NRG1: variants seen among roughly 807,000 people sequenced by gnomAD.
NRG1 encodes the protein neuregulin 1.
NRG1 carries 18 observed loss-of-function variants against 63.8 expected under a neutral mutation model. The observed-to-expected ratio is 0.28, with a 90% confidence interval of 0.19 to 0.42. The LOEUF is 0.42. NRG1 is among the 10% of genes least tolerant of loss of function. The probability of loss-of-function intolerance (pLI) is 1.00; values close to 1 mark genes in which losing one functional copy is unlikely to be tolerated. For synonymous variants in NRG1, 302 were observed against 301.3 expected (o/e 1.00, Z -0.02); for missense variants, 762 against 814.7 (o/e 0.94, Z 0.79).
chr8:32,636,208 G>A (rs925226889), intron 5 of NRG1, among the ~76,000 whole-genome samples: 10 of 151,956 alleles, frequency 6.6e-5, no homozygotes, highest in East Asian at 3.9e-4. Context: ...GGATGTGTTC[G>A]GGCGCAGGGG....
At chr8:32,209,712 CCCTTCCTT>C (rs200085311) in intron 1 of NRG1, among the ~76,000 whole-genome samples, 41,997 of 131,632 alleles carry the variant, frequency 0.32, 6,996 homozygotes, top group Admixed American at 0.4. Flanking sequence ...TTCTCTCTTT[CCCTTCCTT>C]CCTTCCTTCC....
intron 1 of NRG1, among the ~76,000 whole-genome samples, chr8:32,482,311 A>G (rs1825393103): frequency 6.6e-6 from 1 of 152,070 alleles, no homozygotes; most frequent in South Asian, 2.1e-4. Context: ...GAGTTATACA[A>G]TCAGCTCTTG....
intron 1 of NRG1, among the ~76,000 whole-genome samples, chr8:32,250,087 G>A (rs1045768884): frequency 6.6e-6 from 1 of 152,180 alleles, no homozygotes; most frequent in South Asian, 2.1e-4. Context: ...TTTTCCGGAA[G>A]CACAGGGCTC....
At position 32,760,667 on chromosome 8, in the gene NRG1, A is replaced by G. The variant is rs1041142316; in HGVS notation, c.1259+261A>G. The G allele has an allele frequency of 4.0e-5, 50 of 1,259,882 alleles. No individual in the cohort carries two copies. The Admixed American group carries it at 1.5e-3, about 38-fold the overall frequency. 78.0% of individuals were successfully genotyped at this position (1,259,882 alleles called of 1,614,324 possible). A position where few individuals can be genotyped will look rare whatever the true frequency, so the allele number is the denominator to read the frequency against. ...TGCTTTGATGCGGAAGGTGCAGCACATGGAGTTTCCAGCTCTGGCCATGGG... is the reference window on the plus strand; with the variant it reads ...TGCTTTGATGCGGAAGGTGCAGCACGTGGAGTTTCCAGCTCTGGCCATGGG... On this transcript the variant is annotated intron_variant, in intron 11 of 11. Coordinates refer to ENST00000356819, the Ensembl canonical transcript of NRG1.
intron 1 of NRG1, among the ~76,000 whole-genome samples, chr8:32,276,790 G>A (rs1852148600): frequency 6.6e-6 from 1 of 152,196 alleles, no homozygotes; most frequent in African/African-American, 2.4e-5. Context: ...GCTGCTCTGT[G>A]AAAATAGGGC....
At chr8:31,694,511 G>A (rs1006498541) in intron 1 of NRG1, among the ~76,000 whole-genome samples, 11 of 152,202 alleles carry the variant, frequency 7.2e-5, no homozygotes, top group Admixed American at 3.3e-4. Flanking sequence ...AGAGGGCAGA[G>A]TGAGAGGAGA....
At chr8:32,698,455 C>T in intron 5 of NRG1, among the ~76,000 whole-genome samples, 1 of 152,176 alleles carries the variant, frequency 6.6e-6, no homozygotes. Context: ...AATGTGCCCA[C>T]ATTTCAGCGA....
chr8:31,942,045 A>C (rs1801831349), intron 1 of NRG1, among the ~76,000 whole-genome samples: 1 of 152,142 alleles, frequency 6.6e-6, no homozygotes, highest in Non-Finnish European at 1.5e-5. Flanking sequence ...ACAATCCTAA[A>C]ATTCATATGG....
chr8:32,139,578 G>C (rs1370994748), intron 1 of NRG1: 1 of 152,240 alleles, frequency 6.6e-6, no homozygotes, highest in East Asian at 1.9e-4. Context: ...AAATGTAGAG[G>C]CCACTTATAG....
At chr8:32,578,098 G>A (rs974079226) in intron 1 of NRG1, among the ~76,000 whole-genome samples, 5 of 151,910 alleles carry the variant, frequency 3.3e-5, no homozygotes, top group Admixed American at 2.0e-4. Flanking sequence ...AGGTTCAAGC[G>A]ATTCTCTAGC....
At chr8:31,867,156 T>A (rs1044762065) in intron 1 of NRG1, among the ~76,000 whole-genome samples, 1 of 152,142 alleles carries the variant, frequency 6.6e-6, no homozygotes, top group Non-Finnish European at 1.5e-5. Flanking sequence ...GAAAGATGTT[T>A]CCTGCTTTGT....
chr8:32,073,813 G>A (rs572852338), intron 1 of NRG1, among the ~76,000 whole-genome samples: 1 of 152,252 alleles, frequency 6.6e-6, no homozygotes, highest in Non-Finnish European at 1.5e-5. Context: ...TTCATTTGGA[G>A]TTTATCCCTA....
chr8:32,623,464 A>G (rs1471811122), intron 5 of NRG1, among the ~76,000 whole-genome samples: 1 of 152,242 alleles, frequency 6.6e-6, no homozygotes, highest in Non-Finnish European at 1.5e-5. Flanking sequence ...TCAGATTTCT[A>G]TAAACATGGC....
intron 1 of NRG1, among the ~76,000 whole-genome samples, chr8:32,017,586 C>T (rs1312381971): frequency 6.6e-6 from 1 of 152,144 alleles, no homozygotes; most frequent in Non-Finnish European, 1.5e-5. Flanking sequence ...GCGCTTCTGA[C>T]CAATTGTCTA....
chr8:32,584,238 C>T (rs552044972), intron 1 of NRG1, among the ~76,000 whole-genome samples: 1 of 152,260 alleles, frequency 6.6e-6, no homozygotes, highest in African/African-American at 2.4e-5. Flanking sequence ...TTACTGTCAA[C>T]AATCTGTTTA....
At chr8:31,792,104 T>C (rs1434483094) in intron 1 of NRG1, among the ~76,000 whole-genome samples, 2 of 152,166 alleles carry the variant, frequency 1.3e-5, no homozygotes, top group African/African-American at 4.8e-5. Context: ...TACATGACCT[T>C]TTTCATTTAT....
chr8:32,327,021 A>G (rs1046678309), intron 1 of NRG1, among the ~76,000 whole-genome samples: 1 of 152,206 alleles, frequency 6.6e-6, no homozygotes, highest in Admixed American at 6.5e-5. Flanking sequence ...CTGCTAGTCA[A>G]TGGAATAAAA....
chr8:31,747,721 A>G (rs1437755814), intron 1 of NRG1, among the ~76,000 whole-genome samples: 3 of 151,758 alleles, frequency 2.0e-5, no homozygotes, highest in Non-Finnish European at 1.5e-5. Context: ...CAATCTGTCA[A>G]CTCGATTAAC....
chr8:32,078,273 A>T (rs1005914191), intron 1 of NRG1, among the ~76,000 whole-genome samples: 1 of 151,998 alleles, frequency 6.6e-6, no homozygotes, highest in African/African-American at 2.4e-5. Context: ...GAGTCTGGTG[A>T]TTCTCTCCCC....
Sources: gnomAD v4.1 joint callset for allele counts (sites outside exome capture counted in the v4.1 genomes callset) on GRCh38, gnomAD v4.1.1 for gene constraint, MANE v1.5 for transcripts, NCBI Gene and HGNC (gene_info 2026-07-23, HGNC 2026-07-21) for gene names.